Variants in LIG1 observed in about 807,000 individuals in gnomAD.
LIG1 encodes DNA ligase 1.
LIG1 carries 70 observed loss-of-function variants against 115.7 expected under a neutral mutation model. The observed-to-expected ratio is 0.60, with a 90% confidence interval of 0.50 to 0.74. The LOEUF is 0.74. LIG1 is among the 30% of genes least tolerant of loss of function. The pLI is 0.00. For missense variants in LIG1, 1,115 were observed against 1,225.6 expected, an observed-to-expected ratio of 0.91 and a Z score of 1.35; for synonymous variants, 487 against 495.3, an observed-to-expected ratio of 0.98 and a Z score of 0.22.
intron 20 of LIG1, 22 bp from the exon 21 acceptor site, chr19:48,127,370 T>G (rs778151512): frequency 3.1e-6 from 5 of 1,608,310 alleles, no homozygotes; most frequent in Non-Finnish European, 3.4e-6. Context: ...CACAACGGAG[T>G]TCGTGAGTGC....
chr19:48,163,638 A>C (rs999452182), intron 2 of LIG1, among the ~76,000 whole-genome samples: 3 of 152,138 alleles, frequency 2.0e-5, no homozygotes, highest in Non-Finnish European at 2.9e-5. Context: ...AATATTAAGC[A>C]AACAACTAAA....
chr19:48,143,495 G>T, intron 11 of LIG1, 48 bp downstream of exon 11: 2 of 973,524 alleles, frequency 2.1e-6, no homozygotes, highest in Non-Finnish European at 3.3e-6. Context: ...GCAGAGGACA[G>T]ACCCAGAAGC....
chr19:48,149,624 T>C, intron 9 of LIG1, 139 bp downstream of exon 9: 1 of 723,282 alleles, frequency 1.4e-6, no homozygotes, highest in Non-Finnish European at 2.5e-6. Context: ...AAGCCTAAAA[T>C]ATTTACTCTC....
At chr19:48,136,922 G>T in intron 14 of LIG1, 86 bp downstream of exon 14, 1 of 1,082,706 alleles carries the variant, frequency 9.2e-7, no homozygotes, top group Non-Finnish European at 1.4e-6. Flanking sequence ...CAGGGCATTT[G>T]TGATGATTCC....
At chr19:48,163,795 A>T (rs1367395037) in intron 2 of LIG1, among the ~76,000 whole-genome samples, 1 of 151,952 alleles carries the variant, frequency 6.6e-6, no homozygotes, top group Non-Finnish European at 1.5e-5. Context: ...TACAAAAAAA[A>T]TTAGCTGGGT....
rs148976958 is a variant in LIG1, at chr19:48,137,483, G to C, written c.1254+39C>G. 1,191 of 1,606,242 alleles carry C rather than the reference G, an allele frequency of 7.4e-4. 14 individuals carry two copies. In the East Asian group the frequency reaches 0.015, roughly 20 times the overall value. ...CACACGCGTGGCCTCAGGTCCCCAAGATGTCTGGGGTCCGGGATGAGCGGC... is the reference window on the plus strand; with the variant it reads ...CACACGCGTGGCCTCAGGTCCCCAACATGTCTGGGGTCCGGGATGAGCGGC... On this transcript the variant is annotated intron_variant, in intron 13 of 27. Transcript: ENST00000263274. The surrounding 1 kb of genome is among the most constrained non-coding windows in gnomAD (Gnocchi z 4.3).
Position 48,150,088 on chromosome 19 carries a change from T to C in LIG1, c.697A>G (p.Thr233Ala). The change falls in exon 8 of 28, where the codon ACC becomes GCC. Residue 233 changes from threonine (T) to alanine (A), a missense_variant and splice_region_variant. Thr to Ala is a moderately conservative substitution (Grantham distance 58). Transcript: ENST00000263274. ...GGTGGGGTGAGCAAGGGAAACTCACTGAAGAAGCTGCTGAGCGTCTTGGGA... is the reference window on the plus strand; with the variant it reads ...GGTGGGGTGAGCAAGGGAAACTCACCGAAGAAGCTGCTGAGCGTCTTGGGA... ...RAPKTLSSFF[T>A]PRKPAVKKEV... 6.2e-7 allele frequency: 1 copy of C among 1,614,184 alleles called. No homozygotes were observed. The highest frequency in any genetic ancestry group is 8.5e-7 in the Non-Finnish European group (1 of 1,180,036).
At chr19:48,167,610 A>T (rs2036548467) in intron 1 of LIG1, among the ~76,000 whole-genome samples, 1 of 152,048 alleles carries the variant, frequency 6.6e-6, no homozygotes. Flanking sequence ...GCGGATCACG[A>T]GGTCAGGAGT....
In LIG1 at chr19:48,124,626, C is replaced by T. The variant is rs148385215; in HGVS notation, c.2005-1308G>A. The stretch of plus-strand genomic sequence containing the variant: ...TGTTAATAATTTCTTATATTCATCA[C>T]ACATTGAAAGGATAATATCTTAGAC... On this transcript the variant is annotated intron_variant, in intron 21 of 27. Transcript: ENST00000263274. Among the ~76,000 whole-genome samples, 278 of 152,286 alleles carry T rather than the reference C, an allele frequency of 1.8e-3. 1 individual carries two copies. Among genetic ancestry groups the T allele is most frequent in the African/African-American group, 6.2e-3 (259 of 41,558 alleles).
At chr19:48,168,485 T>C (rs2036593427) in intron 1 of LIG1, among the ~76,000 whole-genome samples, 2 of 152,228 alleles carry the variant, frequency 1.3e-5, no homozygotes, top group Admixed American at 6.5e-5. Context: ...AACTGGTTGA[T>C]GCCTCTGGAG....
chr19:48,158,655 C>A (rs140610665), intron 4 of LIG1, among the ~76,000 whole-genome samples: 2 of 152,368 alleles, frequency 1.3e-5, no homozygotes, highest in Non-Finnish European at 2.9e-5. Flanking sequence ...AAGCAGAGGG[C>A]ACTGCATGAC....
At chr19:48,158,107 C>T (rs2035963000) in intron 4 of LIG1, among the ~76,000 whole-genome samples, 1 of 152,218 alleles carries the variant, frequency 6.6e-6, no homozygotes, top group Non-Finnish European at 1.5e-5. Flanking sequence ...CATCCTGAGG[C>T]TCTCACCAGA....
chr19:48,121,366 G>A (rs1455317416), intron 23 of LIG1, 44 bp from the exon 24 acceptor site: 1 of 1,539,600 alleles, frequency 6.5e-7, no homozygotes. Context: ...GAGCGCCCAA[G>A]GCGGGGCCCT....
chr19:48,144,744 T>TCTGC (rs2035008087), intron 9 of LIG1, among the ~76,000 whole-genome samples: 1 of 152,140 alleles, frequency 6.6e-6, no homozygotes, highest in Non-Finnish European at 1.5e-5. Context: ...CCTCAAATGA[T>TCTGC]CTGCCTGCCT....
At chr19:48,141,569 T>G (rs1050648742) in intron 11 of LIG1, among the ~76,000 whole-genome samples, 4 of 152,214 alleles carry the variant, frequency 2.6e-5, no homozygotes, top group Non-Finnish European at 4.4e-5. Flanking sequence ...CGAGTAAGTA[T>G]GAAGCTGAGA....
At chr19:48,170,015 C>T (rs1226504391) in intron 1 of LIG1, 1 of 321,428 alleles carries the variant, frequency 3.1e-6, no homozygotes, top group Admixed American at 4.3e-5. Flanking sequence ...CTGTCTCTGT[C>T]TCTCGTCTAC....
chr19:48,123,425 A>G, intron 21 of LIG1, 107 bp from the exon 22 acceptor site: 1 of 1,335,580 alleles, frequency 7.5e-7, no homozygotes, highest in Non-Finnish European at 1.0e-6. Context: ...AACTAGTGAC[A>G]GGGTTCGTGG....
chr19:48,131,220 G>T, intron 18 of LIG1, 49 bp from the exon 19 acceptor site: 1 of 1,433,196 alleles, frequency 7.0e-7, no homozygotes. Context: ...CCCCTCATGT[G>T]GCCTCAGCTT....
At position 48,140,163 on chromosome 19, in the gene LIG1, T is replaced by C. The variant is rs773107135; in HGVS notation, c.915-20A>G. On this transcript the variant is annotated intron_variant, in intron 11 of 27. Coordinates refer to ENST00000263274, the MANE Select transcript of LIG1 (RefSeq NM_000234.3). Reference sequence around the variant, plus strand: ...CGGAGCCTGGAGGAGGGGACGGGGGTATGAACACGTGGTTCCTCAAGGTCA... The same window carrying C: ...CGGAGCCTGGAGGAGGGGACGGGGGCATGAACACGTGGTTCCTCAAGGTCA... 3.0e-5 allele frequency: 49 copies of C among 1,608,310 alleles called. No homozygotes were observed. The highest frequency in any genetic ancestry group is 2.0e-4 in the Middle Eastern group (1 of 5,050).
Sources: gnomAD v4.1 joint callset for allele counts (sites outside exome capture counted in the v4.1 genomes callset) on GRCh38, gnomAD v4.1.1 for gene constraint, Gnocchi (gnomAD v3.1) non-coding constraint, MANE v1.5 for transcripts, NCBI Gene and HGNC (gene_info 2026-07-23, HGNC 2026-07-21) for gene names.